Variants in FILIP1 observed in about 807,000 individuals in gnomAD.
The protein encoded by FILIP1 is filamin-A-interacting protein 1.
A neutral mutation model predicts 102.1 loss-of-function variants in FILIP1; 61 were observed. That is an observed-to-expected ratio of 0.60 (90% confidence interval 0.49 to 0.74). FILIP1 has a LOEUF of 0.74. Ranked by LOEUF, FILIP1 falls within the 30% of genes least tolerant of loss-of-function variation. FILIP1 has a pLI of 0.00. For synonymous variants in FILIP1, 491 were observed against 526.9 expected, an observed-to-expected ratio of 0.93 and a Z score of 0.93; for missense variants, 1,314 against 1,441.2, an observed-to-expected ratio of 0.91 and a Z score of 1.43.
At chr6:75,299,832 A>T (rs1772786127) in intron 6 of FILIP1, among the ~76,000 whole-genome samples, 1 of 152,202 alleles carries the variant, frequency 6.6e-6, no homozygotes, top group African/African-American at 2.4e-5. Flanking sequence ...TTCTGACCTT[A>T]CTAAATATTC....
chr6:75,441,117 G>A (rs2149720148), intron 1 of FILIP1, among the ~76,000 whole-genome samples: 1 of 151,896 alleles, frequency 6.6e-6, no homozygotes, highest in East Asian at 1.9e-4. Context: ...TTCCTAGGCA[G>A]AGGACCCTGC....
At chr6:75,321,611 G>A (rs1292130959) in intron 4 of FILIP1, among the ~76,000 whole-genome samples, 4 of 152,286 alleles carry the variant, frequency 2.6e-5, no homozygotes, top group South Asian at 2.1e-4. Context: ...TGGCTAAAAC[G>A]GTGAAACCCC....
intron 4 of FILIP1, among the ~76,000 whole-genome samples, chr6:75,325,753 T>C (rs933504443): frequency 6.6e-6 from 1 of 152,210 alleles, no homozygotes; most frequent in African/African-American, 2.4e-5. Context: ...GATGTTGGCA[T>C]GGATGTGGTG....
intron 3 of FILIP1, among the ~76,000 whole-genome samples, chr6:75,358,027 A>G (rs1775059652): frequency 1.3e-5 from 2 of 152,216 alleles, no homozygotes; most frequent in East Asian, 1.9e-4. Flanking sequence ...TATAGATTCT[A>G]CTTGGACGAA....
intron 5 of FILIP1, among the ~76,000 whole-genome samples, chr6:75,310,064 A>C (rs964354702): frequency 2.0e-5 from 3 of 152,168 alleles, no homozygotes; most frequent in African/African-American, 4.8e-5. Context: ...ATCCAACCCC[A>C]GTTTGCTTCC....
At chr6:75,305,322 G>T (rs1454159685), downstream of FILIP1, among the ~76,000 whole-genome samples, 2 of 152,092 alleles carry the variant, frequency 1.3e-5, no homozygotes, top group Non-Finnish European at 2.9e-5. Flanking sequence ...TTCTGAATCT[G>T]GGGAATGAGA....
chr6:75,414,661 A>G, intron 2 of FILIP1, 36 bp downstream of exon 2: 4 of 1,587,596 alleles, frequency 2.5e-6, no homozygotes, highest in Non-Finnish European at 3.4e-6. Context: ...CTTAGAAACC[A>G]AAGACACAAT....
At chr6:75,450,793 T>G (rs1045949213) in intron 1 of FILIP1, among the ~76,000 whole-genome samples, 4 of 151,712 alleles carry the variant, frequency 2.6e-5, no homozygotes, top group Admixed American at 6.6e-5. Context: ...ATGTCTCTAC[T>G]AAAAATACAA....
At chr6:75,442,576 AC>A in intron 1 of FILIP1, among the ~76,000 whole-genome samples, 1 of 152,160 alleles carries the variant, frequency 6.6e-6, no homozygotes, top group Non-Finnish European at 1.5e-5. Flanking sequence ...ACACAGCGAA[AC>A]CCCGTCTCCA....
chr6:75,484,258 C>T (rs992067139), intron 1 of FILIP1, among the ~76,000 whole-genome samples: 3 of 152,070 alleles, frequency 2.0e-5, no homozygotes, highest in Non-Finnish European at 4.4e-5. Context: ...AGAAAGTACC[C>T]ACTACCAAGG....
At chr6:75,434,087 T>C (rs547054987) in intron 1 of FILIP1, among the ~76,000 whole-genome samples, 1 of 152,360 alleles carries the variant, frequency 6.6e-6, no homozygotes, top group Non-Finnish European at 1.5e-5. Context: ...TTTTGGTTAA[T>C]GTAGCCTTGT....
At chr6:75,357,866 C>A (rs1477986345) in intron 3 of FILIP1, among the ~76,000 whole-genome samples, 1 of 152,102 alleles carries the variant, frequency 6.6e-6, no homozygotes, top group African/African-American at 2.4e-5. Flanking sequence ...AAGACTATAT[C>A]CCATAACTAT....
chr6:75,314,914 C>A lies in FILIP1; in HGVS notation c.918G>T (p.Lys306Asn). The change falls in exon 5 of 6, where the codon AAG (lysine) becomes AAT (asparagine). Residue 306 changes from lysine to asparagine, a missense_variant. By Grantham distance (94) the Lys-to-Asn change is moderately conservative. This residue lies in a region of FILIP1 where 494 missense variants were observed against 511.2 expected (regional missense o/e 0.97). Coordinates refer to ENST00000237172, the MANE Select transcript of FILIP1 (RefSeq NM_015687.5). ...LLKLEVDFEH[K>N]ASRFSQEHEE... ...CATGCTCTTGAGAAAACCTCGAAGC[C>A]TTGTGTTCAAAGTCCACTTCTAACT... 2 of 1,614,122 alleles carry A rather than the reference C, an allele frequency of 1.2e-6. No individual in the cohort carries two copies. Among genetic ancestry groups the A allele is most frequent in the Non-Finnish European group, 1.7e-6 (2 of 1,180,024 alleles).
chr6:75,462,586 A>G (rs562515877), intron 1 of FILIP1, among the ~76,000 whole-genome samples: 5 of 151,756 alleles, frequency 3.3e-5, no homozygotes, highest in Non-Finnish European at 7.4e-5. Context: ...ATGTGTGTGT[A>G]TATATATATA....
In FILIP1 at chr6:75,373,419, T is replaced by C. The variant is rs531003880; in HGVS notation, c.277-10502A>G. On this transcript the variant is annotated intron_variant, in intron 2 of 5. Transcript: ENST00000237172. Reference sequence around the variant, plus strand: ...CACTGAACTGTACACTTAAAGATGGTTAAAATGGTCAATTTTATATTACAT... The same window carrying C: ...CACTGAACTGTACACTTAAAGATGGCTAAAATGGTCAATTTTATATTACAT... Among the ~76,000 whole-genome samples the C allele has an allele frequency of 2.2e-3, 341 of 152,344 alleles. 2 individuals are homozygous for C. Among genetic ancestry groups the C allele is most frequent in the African/African-American group, 7.9e-3 (327 of 41,578 alleles).
At chr6:75,374,815 G>A (rs1775701180) in intron 2 of FILIP1, among the ~76,000 whole-genome samples, 2 of 152,202 alleles carry the variant, frequency 1.3e-5, no homozygotes. Flanking sequence ...ATGAGACCCA[G>A]GACAAATCAA....
chr6:75,419,779 T>C (rs1423830072), intron 1 of FILIP1, among the ~76,000 whole-genome samples: 1 of 152,220 alleles, frequency 6.6e-6, no homozygotes, highest in Admixed American at 6.5e-5. Flanking sequence ...GATTACTTCC[T>C]GTGTGCGTTA....
chr6:75,327,473 G>A (rs1047469027), intron 4 of FILIP1, among the ~76,000 whole-genome samples: 6 of 151,608 alleles, frequency 4.0e-5, no homozygotes, highest in South Asian at 4.2e-4. Flanking sequence ...AAGGAGAAAC[G>A]GGAAAGTGAA....
intron 1 of FILIP1, among the ~76,000 whole-genome samples, chr6:75,423,771 A>G (rs960876586): frequency 3.3e-5 from 5 of 152,086 alleles, no homozygotes; most frequent in Admixed American, 1.3e-4. Flanking sequence ...CTACTCCTTC[A>G]AGCATCTTGA....
Sources: gnomAD v4.1 joint callset for allele counts (sites outside exome capture counted in the v4.1 genomes callset) on GRCh38, gnomAD v4.1.1 for gene constraint, gnomAD v4.1.1 regional missense constraint, MANE v1.5 for transcripts, NCBI Gene and HGNC (gene_info 2026-07-23, HGNC 2026-07-21) for gene names.